ELF2: variants seen among roughly 807,000 people sequenced by gnomAD.
ELF2 encodes the protein E74 like ETS transcription factor 2.
Under a neutral mutation model 54.8 loss-of-function variants are expected in ELF2, and 11 were observed. That is an observed-to-expected ratio of 0.20 (90% CI 0.13 to 0.33). ELF2 has a LOEUF of 0.33. Ranked by LOEUF, ELF2 falls within the 10% of genes least tolerant of loss-of-function variation. The pLI, the probability that ELF2 is intolerant of heterozygous loss-of-function variation, is 1.00. For missense variants in ELF2, 513 were observed against 703.0 expected, an observed-to-expected ratio of 0.73 and a Z score of 3.06; for synonymous variants, 203 against 245.1, an observed-to-expected ratio of 0.83 and a Z score of 1.61.
At chr4:139,096,004 G>C (rs976276485) in intron 4 of ELF2, among the ~76,000 whole-genome samples, 9 of 152,138 alleles carry the variant, frequency 5.9e-5, no homozygotes, top group South Asian at 2.1e-4. Context: ...CCAGCTACTC[G>C]GGAGGCTGAG....
At chr4:139,096,389 G>A (rs896472038) in intron 4 of ELF2, among the ~76,000 whole-genome samples, 1 of 152,064 alleles carries the variant, frequency 6.6e-6, no homozygotes, top group African/African-American at 2.4e-5. Context: ...ATATAAGGAA[G>A]ATGCATATGT....
At chr4:139,123,048 G>A (rs563350850) in intron 4 of ELF2, among the ~76,000 whole-genome samples, 101 of 151,900 alleles carry the variant, frequency 6.6e-4, no homozygotes, top group African/African-American at 2.4e-3. Flanking sequence ...GCTGGGCGTG[G>A]TGGTGTGCAC....
intron 1 of ELF2, among the ~76,000 whole-genome samples, chr4:139,164,056 G>C (rs1357573141): frequency 1.4e-5 from 2 of 147,898 alleles, no homozygotes; most frequent in Non-Finnish European, 1.5e-5. Context: ...GGGTGAGAGA[G>C]AAAGAGTGGG....
chr4:139,163,557 AGAATGTTGTG>A (rs1277879610), intron 1 of ELF2, among the ~76,000 whole-genome samples: 3 of 152,196 alleles, frequency 2.0e-5, no homozygotes, highest in Non-Finnish European at 4.4e-5. Context: ...TAAAGGACCA[AGAATGTTGTG>A]GAAGATCTGA....
In ELF2 at chr4:139,079,477, T is replaced by G. The variant is rs549194879; in HGVS notation, c.239-5910A>C. Among the ~76,000 whole-genome samples the G allele has an allele frequency of 7.9e-5, 12 of 152,324 alleles. No individual in the cohort carries two copies. In the East Asian group the frequency reaches 2.1e-3, roughly 27 times the overall value. On this transcript the variant is annotated intron_variant, in intron 4 of 9. Coordinates refer to ENST00000686138, the MANE Select transcript of ELF2 (RefSeq NM_001331036.3). ...AGATCCTGTGAAAGGCTCTTGGGAC[T>G]CCCAGAATCCGGGTCAGAGAGTTTG...
At chr4:139,147,679 T>C (rs1739375922) in intron 1 of ELF2, among the ~76,000 whole-genome samples, 1 of 151,888 alleles carries the variant, frequency 6.6e-6, no homozygotes, top group African/African-American at 2.4e-5. Flanking sequence ...TTTCACCATC[T>C]TGACCAGGCT....
intron 4 of ELF2, among the ~76,000 whole-genome samples, chr4:139,082,931 A>G (rs2148728992): frequency 6.6e-6 from 1 of 152,312 alleles, no homozygotes; most frequent in South Asian, 2.1e-4. Context: ...CTTCCGCTGC[A>G]GCAGTGGCGC....
chr4:139,093,896 CTTTTTT>C (rs33953924), intron 4 of ELF2, among the ~76,000 whole-genome samples: 2 of 83,540 alleles, frequency 2.4e-5, no homozygotes, highest in Non-Finnish European at 5.0e-5. Context: ...TGACTAACAT[CTTTTTT>C]TTTTTTTTTT....
intron 4 of ELF2, among the ~76,000 whole-genome samples, chr4:139,074,297 G>A (rs1578705206): frequency 6.6e-6 from 1 of 152,274 alleles, no homozygotes; most frequent in East Asian, 1.9e-4. Context: ...AACCCTGTGA[G>A]GGCAATTATA....
At chr4:139,092,414 TACATAACATAACATAACATA>T (rs1553959669) in intron 4 of ELF2, among the ~76,000 whole-genome samples, 1 of 87,762 alleles carries the variant, frequency 1.1e-5, no homozygotes, top group African/African-American at 4.3e-5. Context: ...TAACATAACA[TACATAACATAACATAACATA>T]ACATAACATA....
At chr4:139,139,070 A>C (rs976821311) in intron 2 of ELF2, among the ~76,000 whole-genome samples, 11 of 152,222 alleles carry the variant, frequency 7.2e-5, no homozygotes, top group African/African-American at 2.2e-4. Context: ...AGAAAAATCA[A>C]GCATATCTGA....
In ELF2 at chr4:139,091,946, T is replaced by C. The variant is rs562276958; in HGVS notation, c.239-18379A>G. 3.5e-4 allele frequency among the ~76,000 whole-genome samples: 52 copies of C among 148,902 alleles called. 1 individual carries two copies. In the South Asian group the frequency reaches 0.01, roughly 30 times the overall value. ...ACACACATATATATACACATATATA[T>C]ACACACATATATATACATATATACA... On this transcript the variant is annotated intron_variant, in intron 4 of 9. Transcript: ENST00000686138.
At chr4:139,103,791 C>T (rs184224324) in intron 4 of ELF2, among the ~76,000 whole-genome samples, 1 of 152,330 alleles carries the variant, frequency 6.6e-6, no homozygotes, top group East Asian at 1.9e-4. Flanking sequence ...AGAAATCCCA[C>T]ACACTTCATG....
chr4:139,114,130 ACT>A (rs1424575601), intron 4 of ELF2, among the ~76,000 whole-genome samples: 2 of 152,176 alleles, frequency 1.3e-5, no homozygotes, highest in African/African-American at 2.4e-5. Context: ...TTAGGATAAC[ACT>A]CTATTGAAGT....
intron 1 of ELF2, among the ~76,000 whole-genome samples, chr4:139,176,361 G>C (rs528905638): frequency 8.9e-4 from 135 of 151,762 alleles, no homozygotes; most frequent in African/African-American, 3.0e-3. Flanking sequence ...AAGCGGCGGC[G>C]ATAAGGCACG....
At chr4:139,147,630 C>T (rs1045535208) in intron 1 of ELF2, among the ~76,000 whole-genome samples, 1 of 152,028 alleles carries the variant, frequency 6.6e-6, no homozygotes, top group Non-Finnish European at 1.5e-5. Context: ...TGCCACTGCG[C>T]CCAGCTAATT....
chr4:139,103,168 C>A (rs940108543), intron 4 of ELF2, among the ~76,000 whole-genome samples: 1 of 152,202 alleles, frequency 6.6e-6, no homozygotes, highest in African/African-American at 2.4e-5. Flanking sequence ...CTCCCAAGTT[C>A]TAGCTGTGAT....
chr4:139,125,720 G>A (rs1225147878), intron 3 of ELF2, among the ~76,000 whole-genome samples: 4 of 149,882 alleles, frequency 2.7e-5, no homozygotes, highest in Non-Finnish European at 5.9e-5. Context: ...AAGACTGAAA[G>A]TGTCTGGATG....
At chr4:139,176,684 T>TGCCCCGC (rs1297437558) in intron 1 of ELF2, among the ~76,000 whole-genome samples, 6 of 151,826 alleles carry the variant, frequency 4.0e-5, no homozygotes, top group African/African-American at 9.7e-5. Flanking sequence ...CCCTCAGCCC[T>TGCCCCGC]GCCCCGCGCC....
Sources: allele counts gnomAD v4.1 joint callset (sites outside exome capture counted in the v4.1 genomes callset), GRCh38; gene constraint gnomAD v4.1.1; transcripts MANE v1.5; gene names NCBI Gene and HGNC (gene_info 2026-07-23, HGNC 2026-07-21).